Variants in CDH26 observed in about 807,000 individuals in gnomAD.
CDH26 encodes cadherin 26, also known as cadherin-like protein 26.
In CDH26, 83 loss-of-function variants were observed where a neutral mutation model predicts 90.3. That is an observed-to-expected ratio of 0.92 (90% CI 0.77 to 1.10). The LOEUF (loss-of-function observed/expected upper bound fraction) is 1.10. Ranked by LOEUF, CDH26 falls within the 50% of genes least tolerant of loss-of-function variation. CDH26 has a pLI of 0.00. For missense variants in CDH26, 1,013 were observed against 1,037.6 expected (o/e 0.98, Z 0.33); for synonymous variants, 397 against 396.3 (o/e 1.00, Z -0.02).
intron 1 of CDH26, among the ~76,000 whole-genome samples, chr20:59,964,111 T>G (rs1019165431): frequency 6.6e-6 from 1 of 152,258 alleles, no homozygotes; most frequent in African/African-American, 2.4e-5. Flanking sequence ...ACTCGAATTC[T>G]GCTTAAATAA....
intron 7 of CDH26, among the ~76,000 whole-genome samples, chr20:60,027,613 T>C (rs1256754997): frequency 6.6e-6 from 1 of 152,204 alleles, no homozygotes; most frequent in Non-Finnish European, 1.5e-5. Flanking sequence ...AGGTCTTAAC[T>C]TCACCATTCC....
chr20:60,031,031 G>T (rs2062036022), intron 7 of CDH26, among the ~76,000 whole-genome samples: 1 of 152,194 alleles, frequency 6.6e-6, no homozygotes, highest in Admixed American at 6.5e-5. Flanking sequence ...CATTTTTATG[G>T]TTATTTCTTG....
At chr20:59,989,278 C>G in intron 9 of CDH26, 115 bp downstream of exon 9, 1 of 1,397,276 alleles carries the variant, frequency 7.2e-7, no homozygotes, top group African/African-American at 1.4e-5. Flanking sequence ...CCTGTAATCC[C>G]AGCGCTTTGG....
At chr20:59,984,853 C>T in intron 6 of CDH26, 48 bp downstream of exon 6, 1 of 1,576,036 alleles carries the variant, frequency 6.3e-7, no homozygotes, top group East Asian at 2.2e-5. Flanking sequence ...GTGGCCCATC[C>T]TTGAGCCCCA....
chr20:60,009,815 T>C (rs1473639517), intron 17 of CDH26, among the ~76,000 whole-genome samples: 1 of 152,212 alleles, frequency 6.6e-6, no homozygotes, highest in Non-Finnish European at 1.5e-5. Flanking sequence ...CTGCAGATTC[T>C]GTTTTGCTCT....
Position 60,023,960 on chromosome 20 carries a change from G to GGGGA in CDH26, c.948-7270_948-7269insGGAG, listed in dbSNP as rs1555903941. Among the ~76,000 whole-genome samples, 28 of 147,302 alleles carry GGGGA rather than the reference G, an allele frequency of 1.9e-4. 1 individual carries two copies. In the South Asian group the frequency reaches 3.0e-3, roughly 16 times the overall value. ...GGTGGGTACCATTATGCTGACAGAG[G>GGGGA]GAGAGAGAGAGAGAGAGAGAGAGAG... On this transcript the variant is annotated intron_variant, in intron 7 of 8. Coordinates refer to the CDH26 transcript ENST00000370991.
Position 59,972,063 on chromosome 20 carries a change from T to C in CDH26, c.333T>C (p.His111=), listed in dbSNP as rs1388093210. ...TTGGTTTGTTTTCTCTAGAAGATCATGAGAACGGAAGGATATATGTTCACC... is the reference window on the plus strand; with the variant it reads ...TTGGTTTGTTTTCTCTAGAAGATCACGAGAACGGAAGGATATATGTTCACC... ...PEIGLFSLED[H]ENGRIYVHRP... The change falls in exon 4 of 18, where the codon CAT becomes CAC. Residue 111 remains histidine (H), a synonymous_variant. Transcript: ENST00000348616. 6.2e-7 allele frequency: 1 copy of C among 1,613,922 alleles called. No homozygotes were observed. The highest frequency in any genetic ancestry group is 2.2e-5 in the East Asian group (1 of 44,878).
At chr20:59,965,362 G>C (rs927797428) in intron 1 of CDH26, among the ~76,000 whole-genome samples, 2 of 152,120 alleles carry the variant, frequency 1.3e-5, no homozygotes, top group Admixed American at 6.5e-5. Flanking sequence ...GCTTATGTGG[G>C]TTATATTTGC....
At chr20:59,969,160 C>T (rs543154250) in intron 2 of CDH26, 137 bp downstream of exon 2, 19 of 580,116 alleles carry the variant, frequency 3.3e-5, no homozygotes, top group Non-Finnish European at 5.7e-5. Flanking sequence ...CTTCATGTGG[C>T]CTTTTAGAAT....
chr20:60,031,248 C>T, exon 8 of CDH26: 5 of 1,228,714 alleles, frequency 4.1e-6, no homozygotes, highest in Non-Finnish European at 5.2e-6. Context: ...AGAGAAATCG[C>T]TTCAGCCTCA....
intron 8 of CDH26, 109 bp downstream of exon 8, chr20:59,987,747 C>G: frequency 9.9e-7 from 1 of 1,013,312 alleles, no homozygotes; most frequent in South Asian, 1.7e-5. Flanking sequence ...ATGCTGGGTG[C>G]TGAGCCCATT....
intron 9 of CDH26, among the ~76,000 whole-genome samples, chr20:59,989,513 C>A (rs1185991911): frequency 7.3e-6 from 1 of 137,502 alleles, no homozygotes; most frequent in Admixed American, 7.8e-5. Context: ...CCGGCCTGGG[C>A]GACAGAGCGA....
chr20:59,989,063 G>A lies in CDH26; in HGVS notation c.1183G>A (p.Ala395Thr), dbSNP rs771945756. 6.8e-6 allele frequency: 11 copies of A among 1,614,200 alleles called. No homozygotes were observed. Among genetic ancestry groups the A allele is most frequent in the African/African-American group, 1.3e-5 (1 of 75,042 alleles). ...GGTGACAGACGCCAACGACCCACCA[G>A]CCTTTCACCCCCAGAGCTTCATTGT... Reference protein sequence around the residue: ...VQVTDANDPPAFHPQSFIVNK... With the variant: ...VQVTDANDPPTFHPQSFIVNK... The change falls in exon 9 of 18, where the codon GCC becomes ACC. Residue 395 changes from alanine to threonine, a missense_variant. By Grantham distance (58) the Ala-to-Thr change is moderately conservative (BLOSUM62 0). Coordinates refer to ENST00000348616, the MANE Select transcript of CDH26 (RefSeq NM_177980.4).
intron 16 of CDH26, among the ~76,000 whole-genome samples, chr20:60,004,960 G>A (rs1343286141): frequency 6.6e-6 from 1 of 151,256 alleles, no homozygotes; most frequent in Non-Finnish European, 1.5e-5. Context: ...TGAACAATAG[G>A]AGTTTGAACT....
intron 9 of CDH26, among the ~76,000 whole-genome samples, chr20:59,989,625 A>G (rs2061504478): frequency 2.0e-5 from 3 of 151,952 alleles, no homozygotes. Flanking sequence ...ACAAGAAGCC[A>G]CAGTGCATGA....
intron 7 of CDH26, among the ~76,000 whole-genome samples, chr20:60,027,516 A>C (rs1426843292): frequency 6.6e-6 from 1 of 152,094 alleles, no homozygotes; most frequent in Non-Finnish European, 1.5e-5. Flanking sequence ...TAAGTTGCAG[A>C]CATCAGTATA....
chr20:60,019,050 TG>T (rs1366801344), downstream of CDH26, among the ~76,000 whole-genome samples: 14 of 152,188 alleles, frequency 9.2e-5, no homozygotes, highest in Admixed American at 1.3e-4. Context: ...AATTCTCTCC[TG>T]GCTTGTAAGG....
At chr20:60,021,897 C>CACAA in intron 7 of CDH26, among the ~76,000 whole-genome samples, 1 of 79,004 alleles carries the variant, frequency 1.3e-5, no homozygotes, top group Non-Finnish European at 3.0e-5. Context: ...CACACACACA[C>CACAA]ATATATATAT....
At chr20:60,025,008 G>A (rs1486701488) in intron 7 of CDH26, among the ~76,000 whole-genome samples, 1 of 152,166 alleles carries the variant, frequency 6.6e-6, no homozygotes, top group Non-Finnish European at 1.5e-5. Context: ...ACCTGAAGGG[G>A]GACTATCTGC....
Sources: allele counts gnomAD v4.1 joint callset (sites outside exome capture counted in the v4.1 genomes callset), GRCh38; gene constraint gnomAD v4.1.1; transcripts MANE v1.5; gene names NCBI Gene and HGNC (gene_info 2026-07-23, HGNC 2026-07-21).